NAV3: variants seen among roughly 807,000 people sequenced by gnomAD.
NAV3 encodes neuron navigator 3.
A neutral mutation model predicts 244.7 loss-of-function variants in NAV3; 87 were observed. That is an observed-to-expected ratio of 0.36 (90% CI 0.30 to 0.42). NAV3 has a LOEUF of 0.42. Among genes scored for constraint, NAV3 ranks in the 20% least tolerant of loss-of-function variants. The pLI is 1.00. For missense variants in NAV3, 2,663 were observed against 2,893.3 expected (o/e 0.92, Z 1.83); for synonymous variants, 1,126 against 1,042.2 (o/e 1.08, Z -1.55).
intron 9 of NAV3, among the ~76,000 whole-genome samples, chr12:78,048,328 G>GT (rs1239115488): frequency 6.6e-6 from 1 of 151,912 alleles, no homozygotes; most frequent in Non-Finnish European, 1.5e-5. Context: ...TTTTTGCACT[G>GT]TTTTTTTTCT....
At chr12:77,805,103 T>C (rs1871904696) in intron 2 of NAV3, among the ~76,000 whole-genome samples, 1 of 152,210 alleles carries the variant, frequency 6.6e-6, no homozygotes, top group Non-Finnish European at 1.5e-5. Flanking sequence ...TACAGTCATG[T>C]CATCTGCAAA....
intron 1 of NAV3, among the ~76,000 whole-genome samples, chr12:77,923,925 T>C (rs998851593): frequency 2.0e-5 from 3 of 152,058 alleles, no homozygotes; most frequent in Non-Finnish European, 4.4e-5. Context: ...GCAAGGGAAA[T>C]AGGGATTTGG....
At chr12:78,164,909 T>C (rs1339755850) in intron 23 of NAV3, among the ~76,000 whole-genome samples, 1 of 152,044 alleles carries the variant, frequency 6.6e-6, no homozygotes, top group Non-Finnish European at 1.5e-5. Context: ...CTCAACAAAG[T>C]CTTTGTTAGT....
chr12:77,976,095 G>C (rs998614516), intron 5 of NAV3, among the ~76,000 whole-genome samples: 1 of 152,186 alleles, frequency 6.6e-6, no homozygotes, highest in African/African-American at 2.4e-5. Flanking sequence ...AGTATTAGCT[G>C]TTGGAAAGAT....
intron 2 of NAV3, among the ~76,000 whole-genome samples, chr12:77,727,114 A>T (rs1876913743): frequency 6.6e-6 from 1 of 151,958 alleles, no homozygotes; most frequent in African/African-American, 2.4e-5. Context: ...GTCGATAGAG[A>T]TGGTCAGGAT....
intron 5 of NAV3, among the ~76,000 whole-genome samples, chr12:77,974,938 G>A (rs1042925648): frequency 4.0e-5 from 6 of 151,876 alleles, no homozygotes; most frequent in South Asian, 2.1e-4. Context: ...AATAAAATAC[G>A]TTGACCCACA....
At position 77,830,950 on chromosome 12, in the gene NAV3, G is replaced by T. The variant is rs12824377; in HGVS notation, c.-512G>T. The T allele has an allele frequency of 0.29, 43,376 of 151,992 alleles. 6,973 individuals carry two copies. The highest frequency in any genetic ancestry group is 0.45 in the East Asian group (2,353 of 5,172). 9.4% of individuals were successfully genotyped at this position (151,992 alleles called of 1,614,324 possible). A position where few individuals can be genotyped will look rare whatever the true frequency, so the allele number is the denominator to read the frequency against. On this transcript the variant is annotated 5_prime_UTR_variant, in exon 1 of 40. Coordinates refer to ENST00000397909, the MANE Select transcript of NAV3 (RefSeq NM_001024383.2). ...TTGTGGTCTTTTGGCTGCTCTGACAGTTGGACTGAAGGGCTTTTCCTTTTG... is the reference window on the plus strand; with the variant it reads ...TTGTGGTCTTTTGGCTGCTCTGACATTTGGACTGAAGGGCTTTTCCTTTTG...
intron 12 of NAV3, among the ~76,000 whole-genome samples, chr12:78,099,832 A>G (rs1049707514): frequency 6.6e-6 from 1 of 151,958 alleles, no homozygotes; most frequent in Non-Finnish European, 1.5e-5. Flanking sequence ...TCTCCTTCAG[A>G]TATCATTAAA....
At chr12:77,573,778 A>G (rs1868946187) in intron 2 of NAV3, among the ~76,000 whole-genome samples, 2 of 152,198 alleles carry the variant, frequency 1.3e-5, no homozygotes, top group Admixed American at 1.3e-4. Flanking sequence ...TTACAGGGTT[A>G]TAATTTCTGA....
intron 1 of NAV3, among the ~76,000 whole-genome samples, chr12:77,911,655 A>G (rs906298446): frequency 1.3e-5 from 2 of 152,166 alleles, no homozygotes; most frequent in African/African-American, 2.4e-5. Context: ...AAAATTACTC[A>G]TAAGAGTTTA....
At chr12:78,169,123 A>G (rs1318574159) in intron 24 of NAV3, among the ~76,000 whole-genome samples, 2 of 151,772 alleles carry the variant, frequency 1.3e-5, no homozygotes, top group South Asian at 2.1e-4. Flanking sequence ...ATTTGGTTCT[A>G]TAGTTGTATA....
upstream of NAV3, among the ~76,000 whole-genome samples, chr12:77,826,398 A>G (rs1308374567): frequency 6.6e-6 from 1 of 152,034 alleles, no homozygotes; most frequent in Admixed American, 6.5e-5. Flanking sequence ...AGGCTGAGGC[A>G]CGAGAATTGC....
intron 2 of NAV3, among the ~76,000 whole-genome samples, chr12:77,645,201 G>T (rs903309133): frequency 1.3e-5 from 2 of 151,990 alleles, no homozygotes; most frequent in African/African-American, 4.8e-5. Flanking sequence ...CTGCTGATGG[G>T]GGTAGGAAGG....
At chr12:78,123,655 T>A (rs1955778628) in intron 16 of NAV3, among the ~76,000 whole-genome samples, 1 of 152,174 alleles carries the variant, frequency 6.6e-6, no homozygotes, top group South Asian at 2.1e-4. Flanking sequence ...ATTTTAACAC[T>A]AACTAAAATA....
intron 1 of NAV3, among the ~76,000 whole-genome samples, chr12:77,854,603 G>T (rs1878082295): frequency 6.6e-6 from 1 of 151,740 alleles, no homozygotes; most frequent in Non-Finnish European, 1.5e-5. Context: ...GTGTGTGTGT[G>T]TGTTTGTGTG....
At position 78,175,440 on chromosome 12, in the gene NAV3, C is replaced by A. The variant is rs750862394; in HGVS notation, c.5103+13C>A. 1 of 1,606,126 alleles carries A rather than the reference C, an allele frequency of 6.2e-7. No homozygotes were observed. Among genetic ancestry groups the A allele is most frequent in the African/African-American group, 1.3e-5 (1 of 74,708 alleles). ...AAAGAAAAACTGGGTAAGTTACCAT[C>A]CTTCATCTAATTCAGAAGCTTATTA... On this transcript the variant is annotated intron_variant, in intron 25 of 39. Transcript: ENST00000397909.
chr12:77,730,851 A>T (rs556621878), intron 2 of NAV3, among the ~76,000 whole-genome samples: 107 of 151,772 alleles, frequency 7.1e-4, no homozygotes, highest in African/African-American at 2.6e-3. Context: ...AAATCTTAAC[A>T]GCTTTCACAA....
chr12:77,866,203 A>C (rs1363017805), intron 1 of NAV3, among the ~76,000 whole-genome samples: 6 of 152,242 alleles, frequency 3.9e-5, no homozygotes, highest in Admixed American at 6.5e-5. Flanking sequence ...AATTGATAAA[A>C]TATAAATAGT....
chr12:77,635,316 T>C (rs1872110645), intron 2 of NAV3, among the ~76,000 whole-genome samples: 1 of 152,158 alleles, frequency 6.6e-6, no homozygotes, highest in South Asian at 2.1e-4. Flanking sequence ...TATCTCAGTC[T>C]CTTGAGTAGC....
Sources: allele counts gnomAD v4.1 joint callset (sites outside exome capture counted in the v4.1 genomes callset), GRCh38; gene constraint gnomAD v4.1.1; transcripts MANE v1.5; gene names NCBI Gene and HGNC (gene_info 2026-07-23, HGNC 2026-07-21).